ROS1: variants seen among roughly 807,000 people sequenced by gnomAD.
ROS1 encodes proto-oncogene tyrosine-protein kinase ROS.
ROS1 carries 263 observed loss-of-function variants against 273.5 expected under a neutral mutation model. That is an observed-to-expected ratio of 0.96 (90% CI 0.87 to 1.06). The LOEUF (loss-of-function observed/expected upper bound fraction) is 1.06. Ranked by LOEUF, ROS1 falls within the 50% of genes least tolerant of loss-of-function variation. ROS1 has a pLI of 0.00. For synonymous variants in ROS1, 1,008 were observed against 954.1 expected, an observed-to-expected ratio of 1.06 and a Z score of -1.04; for missense variants, 2,833 against 2,751.1, an observed-to-expected ratio of 1.03 and a Z score of -0.67.
intron 34 of ROS1, among the ~76,000 whole-genome samples, chr6:117,325,210 T>C (rs1197391309): frequency 6.6e-6 from 1 of 152,134 alleles, no homozygotes; most frequent in Non-Finnish European, 1.5e-5. Flanking sequence ...AATAATTCAT[T>C]TGACTAAGGA....
chr6:117,362,153 A>G (rs558524287), intron 22 of ROS1, among the ~76,000 whole-genome samples: 1 of 152,284 alleles, frequency 6.6e-6, no homozygotes, highest in South Asian at 2.1e-4. Flanking sequence ...CTGAATTTGC[A>G]AAGTTCCCTG....
chr6:117,313,008 C>T (rs193181916), intron 39 of ROS1, among the ~76,000 whole-genome samples: 18 of 152,226 alleles, frequency 1.2e-4, no homozygotes, highest in African/African-American at 4.3e-4. Context: ...TTCTCCACTG[C>T]ACTCTAATGA....
At chr6:117,348,306 T>G (rs1021356903) in intron 27 of ROS1, among the ~76,000 whole-genome samples, 10 of 151,992 alleles carry the variant, frequency 6.6e-5, no homozygotes, top group African/African-American at 1.9e-4. Flanking sequence ...CTTCTGTGAG[T>G]TTTGGCATAT....
At chr6:117,378,002 G>A (rs1464009299) in intron 18 of ROS1, among the ~76,000 whole-genome samples, 1 of 152,122 alleles carries the variant, frequency 6.6e-6, no homozygotes, top group South Asian at 2.1e-4. Context: ...CCAAAGAATG[G>A]TGAATATAAT....
intron 42 of ROS1, among the ~76,000 whole-genome samples, chr6:117,304,176 C>T (rs407724): frequency 0.61 from 93,361 of 152,056 alleles, 29,164 homozygotes; most frequent in African/African-American, 0.72. Context: ...CAAAAGACAA[C>T]CTAATCTTTT....
Position 117,310,152 on chromosome 6 carries a change from G to A in ROS1, c.6345C>T (p.Gly2115=), listed in dbSNP as rs777221228. The change falls in exon 41 of 44, where the codon GGC becomes GGT. Residue 2115 remains glycine, a synonymous_variant. Transcript: ENST00000368507. ...KNDYYRKRGE[G]LLPVRWMAPE... is the part of the protein sequence containing the mutation. ...GAGCCATCCACCGAACTGGGAGCAG[G>A]CCTTCCCCTCTCTTTCTATAGTAAT... 1.6e-5 allele frequency: 26 copies of A among 1,613,462 alleles called. No individual in the cohort carries two copies. Among genetic ancestry groups the A allele is most frequent in the Non-Finnish European group, 1.9e-5 (23 of 1,179,628 alleles).
intron 32 of ROS1, among the ~76,000 whole-genome samples, chr6:117,335,300 C>T (rs1417023702): frequency 3.3e-5 from 5 of 152,092 alleles, no homozygotes; most frequent in East Asian, 1.9e-4. Flanking sequence ...TACCATCTCA[C>T]GCGAGTCAGA....
chr6:117,410,518 T>C (rs755260707), intron 4 of ROS1, among the ~76,000 whole-genome samples: 4 of 152,128 alleles, frequency 2.6e-5, no homozygotes, highest in Non-Finnish European at 2.9e-5. Flanking sequence ...CAGTACATAA[T>C]TTGATGACTG....
intron 3 of ROS1, among the ~76,000 whole-genome samples, chr6:117,415,138 CA>C (rs1775243437): frequency 6.6e-6 from 1 of 152,238 alleles, no homozygotes; most frequent in Admixed American, 6.5e-5. Context: ...ACTAAACACA[CA>C]ACTAGACAAA....
chr6:117,317,404 C>G, intron 38 of ROS1, 132 bp from the exon 39 acceptor site: 1 of 979,170 alleles, frequency 1.0e-6, no homozygotes, highest in East Asian at 2.6e-5. Context: ...TCTAACACTT[C>G]GTTTTCCAAC....
At chr6:117,297,998 T>C (rs115294786) in intron 43 of ROS1, among the ~76,000 whole-genome samples, 8 of 152,132 alleles carry the variant, frequency 5.3e-5, no homozygotes, top group African/African-American at 1.7e-4. Context: ...GACTGGATAA[T>C]GAAAATGTGT....
At chr6:117,379,648 G>C (rs1771951148) in intron 17 of ROS1, among the ~76,000 whole-genome samples, 1 of 152,052 alleles carries the variant, frequency 6.6e-6, no homozygotes, top group Admixed American at 6.6e-5. Context: ...ATGATCTGTG[G>C]AGTTTTTTAA....
intron 39 of ROS1, among the ~76,000 whole-genome samples, chr6:117,316,756 G>A (rs1168232635): frequency 6.6e-6 from 1 of 152,110 alleles, no homozygotes; most frequent in African/African-American, 2.4e-5. Flanking sequence ...ATGTCAACTA[G>A]AGAGGGACAT....
intron 39 of ROS1, 97 bp from the exon 40 acceptor site, chr6:117,311,214 T>C (rs1346888989): frequency 1.7e-6 from 1 of 579,082 alleles, no homozygotes; most frequent in Non-Finnish European, 3.0e-6. Flanking sequence ...TATATGCATA[T>C]GCATGTATGT....
intron 32 of ROS1, among the ~76,000 whole-genome samples, chr6:117,335,878 T>C (rs1777423961): frequency 6.6e-6 from 1 of 151,358 alleles, no homozygotes; most frequent in Non-Finnish European, 1.5e-5. Context: ...GACAGGTCAA[T>C]AGGTGCAGCA....
At chr6:117,397,194 T>A in intron 7 of ROS1, 78 bp from the exon 8 acceptor site, 1 of 1,001,260 alleles carries the variant, frequency 1.0e-6, no homozygotes, top group Non-Finnish European at 1.5e-6. Context: ...GAAAAAAGTC[T>A]TGTTTTTTTT....
chr6:117,404,220 CA>C (rs373760201), intron 6 of ROS1, 59 bp downstream of exon 6: 162,550 of 1,247,330 alleles, frequency 0.13, no homozygotes, highest in East Asian at 0.19. Flanking sequence ...GACTCCGTCT[CA>C]AAAAAAAAAA....
chr6:117,350,935 G>A (rs1778797339), intron 27 of ROS1, among the ~76,000 whole-genome samples: 1 of 151,840 alleles, frequency 6.6e-6, no homozygotes, highest in South Asian at 2.1e-4. Flanking sequence ...ATTAATCATA[G>A]TTGTTTTAAA....
intron 27 of ROS1, among the ~76,000 whole-genome samples, chr6:117,349,397 A>G (rs534772708): frequency 1.3e-5 from 2 of 151,842 alleles, no homozygotes; most frequent in Non-Finnish European, 2.9e-5. Flanking sequence ...CTTTCATTTG[A>G]TTAGCGATAG....
Sources: allele counts gnomAD v4.1 joint callset (sites outside exome capture counted in the v4.1 genomes callset), GRCh38; gene constraint gnomAD v4.1.1; transcripts MANE v1.5; gene names NCBI Gene and HGNC (gene_info 2026-07-23, HGNC 2026-07-21).